Variants in SEC61A2 observed in about 807,000 individuals in gnomAD.
SEC61A2 encodes protein transport protein Sec61 subunit alpha isoform 2.
SEC61A2 carries 28 observed loss-of-function variants against 59.9 expected under a neutral mutation model. The observed-to-expected ratio is 0.47, with a 90% CI of 0.35 to 0.64. SEC61A2 has a LOEUF of 0.64. SEC61A2 is among the 30% of genes least tolerant of loss of function. The pLI is 0.01. For missense variants in SEC61A2, 340 were observed against 585.9 expected, an observed-to-expected ratio of 0.58 and a Z score of 4.33; for synonymous variants, 202 against 214.4, an observed-to-expected ratio of 0.94 and a Z score of 0.50.
intron 2 of SEC61A2, among the ~76,000 whole-genome samples, chr10:12,134,038 GCT>G (rs1298125682): frequency 6.6e-6 from 1 of 152,112 alleles, no homozygotes; most frequent in African/African-American, 2.4e-5. Flanking sequence ...ACGGAGTCTC[GCT>G]CTGTCCCCCA....
rs1426229179 is a variant in SEC61A2, at chr10:12,154,666, C to G, written c.463-1112C>G. ...ACCCTTTCTCCTGCCCATTGAAACT[C>G]AGACTAAAAGCCTGTAAATAGACAA... On this transcript the variant is annotated intron_variant, in intron 6 of 11. Transcript: ENST00000298428. The surrounding 1 kb of genome is among the most constrained non-coding windows in gnomAD (Gnocchi z 5.2). Among the ~76,000 whole-genome samples the G allele has an allele frequency of 6.6e-6, 1 of 152,194 alleles. No homozygotes were observed. Among genetic ancestry groups the G allele is most frequent in the African/African-American group, 2.4e-5 (1 of 41,450 alleles).
intron 1 of SEC61A2, among the ~76,000 whole-genome samples, chr10:12,132,963 G>A (rs1833794801): frequency 6.6e-6 from 1 of 152,136 alleles, no homozygotes; most frequent in Admixed American, 6.6e-5. Flanking sequence ...TAAAATGATT[G>A]GATACAAGTG....
chr10:12,158,202 C>A lies in SEC61A2; in HGVS notation c.975+97C>A. The stretch of plus-strand genomic sequence containing the variant: ...AATGAGGTCGACATTGGAGCATTTG[C>A]TGTATTTTCAGATTCACTTACCTAT... On this transcript the variant is annotated intron_variant, in intron 9 of 11. Coordinates refer to ENST00000298428, the MANE Select transcript of SEC61A2 (RefSeq NM_018144.4). The surrounding 1 kb of genome is among the most constrained non-coding windows in gnomAD (Gnocchi z 5.7). 2.0e-6 allele frequency: 2 copies of A among 985,910 alleles called. No individual in the cohort carries two copies. The highest frequency in any genetic ancestry group is 1.5e-6 in the Non-Finnish European group (1 of 659,224). 61.1% of individuals were successfully genotyped at this position (985,910 alleles called of 1,614,324 possible).
At chr10:12,133,384 A>G in intron 2 of SEC61A2, 76 bp downstream of exon 2, 1 of 721,914 alleles carries the variant, frequency 1.4e-6, no homozygotes, top group South Asian at 1.8e-5. Context: ...TCATTTCCTT[A>G]CCTCAGTCCT....
At chr10:12,133,182 A>G in intron 1 of SEC61A2, 59 bp from the exon 2 acceptor site, 1 of 857,804 alleles carries the variant, frequency 1.2e-6, no homozygotes, top group Non-Finnish European at 1.9e-6. Flanking sequence ...TTTTCTAGAA[A>G]GACAGATCTT....
chr10:12,147,963 G>A (rs1305665929), intron 4 of SEC61A2, among the ~76,000 whole-genome samples: 1 of 147,720 alleles, frequency 6.8e-6, no homozygotes, highest in African/African-American at 2.5e-5. Context: ...TTGAGACAGA[G>A]TCTCGCTCTG....
At position 12,145,242 on chromosome 10, in the gene SEC61A2, C is replaced by T. The variant is rs575779050; in HGVS notation, c.220+2047C>T. On this transcript the variant is annotated intron_variant, in intron 4 of 11. Coordinates refer to ENST00000298428, the MANE Select transcript of SEC61A2 (RefSeq NM_018144.4). The surrounding 1 kb of genome is among the most constrained non-coding windows in gnomAD (Gnocchi z 4.4). ...TAGGTTCCTTTCTTGTCATATATTA[C>T]GTTTTTTTCCCCCCGATTTTATATC... 1.1e-4 allele frequency among the ~76,000 whole-genome samples: 16 copies of T among 151,856 alleles called. No individual in the cohort carries two copies. The highest frequency in any genetic ancestry group is 2.1e-4 in the South Asian group (1 of 4,692).
At chr10:12,163,817 G>C (rs776741112) in intron 11 of SEC61A2, among the ~76,000 whole-genome samples, 1 of 151,954 alleles carries the variant, frequency 6.6e-6, no homozygotes, top group Non-Finnish European at 1.5e-5. Flanking sequence ...TCTTTTTTGA[G>C]TATTTTAAAT....
At chr10:12,157,825 C>A in intron 8 of SEC61A2, 83 bp from the exon 9 acceptor site, 1 of 1,317,798 alleles carries the variant, frequency 7.6e-7, no homozygotes, top group Non-Finnish European at 1.1e-6. Flanking sequence ...ATCCCCCGCA[C>A]TGTTCTTTGT....
Position 12,149,686 on chromosome 10 carries a change from T to G in SEC61A2, c.312T>G (p.Asp104Glu), listed in dbSNP as rs1423707558. ...LAGAKIIEVG[D>E]TPKDRALFNG... ...GAGCCAAAATCATTGAAGTTGGAGA[T>G]ACACCGAAAGATAGAGCTTTATTCA... Residue 104 changes from aspartate (D) to glutamate (E), a missense_variant, in exon 5 of 12, where the codon GAT (aspartate) becomes GAG (glutamate). Transcript: ENST00000298428. The surrounding 1 kb of genome is among the most constrained non-coding windows in gnomAD (Gnocchi z 5.2). The G allele has an allele frequency of 1.2e-6, 2 of 1,613,996 alleles. No homozygotes were observed. Among genetic ancestry groups the G allele is most frequent in the Admixed American group, 3.3e-5 (2 of 59,958 alleles).
chr10:12,133,181 AAGAC>A (rs1274029506), intron 1 of SEC61A2, 56 bp from the exon 2 acceptor site: 3 of 852,698 alleles, frequency 3.5e-6, no homozygotes, highest in East Asian at 2.6e-5. Flanking sequence ...ATTTTCTAGA[AAGAC>A]AGATCTTTTT....
chr10:12,163,670 C>T (rs1457548701), intron 11 of SEC61A2, among the ~76,000 whole-genome samples: 3 of 152,012 alleles, frequency 2.0e-5, no homozygotes, highest in Non-Finnish European at 4.4e-5. Flanking sequence ...GTCCCAGCAT[C>T]ATTTGTTGAA....
intron 3 of SEC61A2, among the ~76,000 whole-genome samples, chr10:12,138,841 C>G (rs1833945458): frequency 6.6e-6 from 1 of 152,210 alleles, no homozygotes; most frequent in Non-Finnish European, 1.5e-5. Context: ...ATAAGTCTTT[C>G]TGTGGATATT....
rs1295185244 is a variant in SEC61A2, at chr10:12,149,866, A to G, written c.367A>G (p.Ile123Val). The part of the protein sequence containing the change: ...NGAQKLFGMI[I>V]TIGQAIVYVM... ...ACTTTCATCAGTGTTTGGTATGATC[A>G]TTACCATTGGGCAAGCCATTGTGTA... The change falls in exon 6 of 12, where the codon ATT becomes GTT. Residue 123 changes from isoleucine (I) to valine (V), a missense_variant. By Grantham distance (29) the Ile-to-Val change is conservative. Around this residue, in one of 3 missense-constraint regions of SEC61A2, gnomAD observed 283 missense variants for 483.2 expected, o/e 0.59. Transcript: ENST00000298428. This position sits in a 1 kb window ranked among gnomAD's most constrained non-coding sequence, Gnocchi z 5.2. The G allele has an allele frequency of 1.9e-6, 3 of 1,613,884 alleles. No homozygotes were observed. Among genetic ancestry groups the G allele is most frequent in the Non-Finnish European group, 1.7e-6 (2 of 1,179,906 alleles).
At chr10:12,131,619 T>C (rs2131640231) in intron 1 of SEC61A2, among the ~76,000 whole-genome samples, 1 of 150,248 alleles carries the variant, frequency 6.7e-6, no homozygotes, top group African/African-American at 2.4e-5. Context: ...TACTTTTCTA[T>C]TACCTGGGAG....
chr10:12,168,263 A>C (rs1245039484), downstream of SEC61A2, among the ~76,000 whole-genome samples: 6 of 152,132 alleles, frequency 3.9e-5, no homozygotes, highest in African/African-American at 1.4e-4. The surrounding 1 kb of genome is among the most constrained non-coding windows in gnomAD (Gnocchi z 4.8). Context: ...TGACCTCGTG[A>C]TCCACCCGCC....
chr10:12,132,946 G>C (rs1390037605), intron 1 of SEC61A2, among the ~76,000 whole-genome samples: 2 of 152,106 alleles, frequency 1.3e-5, no homozygotes, highest in African/African-American at 4.8e-5. Context: ...CCCCCTTTTT[G>C]TATATGTAAA....
Position 12,145,791 on chromosome 10 carries a change from G to C in SEC61A2, c.220+2596G>C, listed in dbSNP as rs961552278. Among the ~76,000 whole-genome samples, 1 of 152,146 alleles carries C rather than the reference G, an allele frequency of 6.6e-6. No homozygotes were observed. Among genetic ancestry groups the C allele is most frequent in the Non-Finnish European group, 1.5e-5 (1 of 68,024 alleles). Reference sequence around the variant, plus strand: ...ATGAAAAGAAAAAAGAAAAAACATTGTTTTAAATAAAGGAGAAAAATTAAG... The same window carrying C: ...ATGAAAAGAAAAAAGAAAAAACATTCTTTTAAATAAAGGAGAAAAATTAAG... On this transcript the variant is annotated intron_variant, in intron 4 of 11. Transcript: ENST00000298428. This position sits in a 1 kb window ranked among gnomAD's most constrained non-coding sequence, Gnocchi z 4.4.
rs1834450214 is a variant in SEC61A2, at chr10:12,158,183, G to A, written c.975+78G>A. ...ATGGTTGTATTTTTAATGGAATGAG[G>A]TCGACATTGGAGCATTTGCTGTATT... On this transcript the variant is annotated intron_variant, in intron 9 of 11. Transcript: ENST00000298428. This position sits in a 1 kb window ranked among gnomAD's most constrained non-coding sequence, Gnocchi z 5.7. The A allele has an allele frequency of 8.9e-7, 1 of 1,129,038 alleles. No homozygotes were observed. The allele number at this position is 1,129,038 out of a possible 1,614,324, so 69.9% of individuals were successfully genotyped here.
Sources: gnomAD v4.1 joint callset for allele counts (sites outside exome capture counted in the v4.1 genomes callset) on GRCh38, gnomAD v4.1.1 for gene constraint, gnomAD v4.1.1 regional missense constraint, Gnocchi (gnomAD v3.1) non-coding constraint, MANE v1.5 for transcripts, NCBI Gene and HGNC (gene_info 2026-07-23, HGNC 2026-07-21) for gene names.